Variants in HSPA12A observed in about 807,000 individuals in gnomAD.
HSPA12A encodes heat shock 70 kDa protein 12A.
HSPA12A carries 28 observed loss-of-function variants against 69.2 expected under a neutral mutation model. The observed-to-expected ratio is 0.40, with a 90% CI of 0.30 to 0.55. The LOEUF is 0.55. Ranked by LOEUF, HSPA12A falls within the 20% of genes least tolerant of loss-of-function variation. The pLI is 0.38. For synonymous variants in HSPA12A, 345 were observed against 370.5 expected, an observed-to-expected ratio of 0.93 and a Z score of 0.79; for missense variants, 686 against 900.7, an observed-to-expected ratio of 0.76 and a Z score of 3.05.
At chr10:116,785,133 C>T (rs1347222128) in intron 2 of HSPA12A, among the ~76,000 whole-genome samples, 2 of 152,152 alleles carry the variant, frequency 1.3e-5, no homozygotes, top group Non-Finnish European at 2.9e-5. Context: ...CCTCATTGTG[C>T]CCTGCTCTGA....
chr10:116,818,939 C>G (rs1845358254), intron 2 of HSPA12A, among the ~76,000 whole-genome samples: 1 of 152,076 alleles, frequency 6.6e-6, no homozygotes, highest in Admixed American at 6.5e-5. Flanking sequence ...AGGCTTGTAC[C>G]TTGACCTTCT....
chr10:116,756,347 G>C (rs1291689331), intron 2 of HSPA12A, among the ~76,000 whole-genome samples: 1 of 152,242 alleles, frequency 6.6e-6, no homozygotes, highest in Non-Finnish European at 1.5e-5. Flanking sequence ...AAACTGGCTG[G>C]TGTGCTTGTG....
At chr10:116,726,749 G>A (rs7086870) in intron 1 of HSPA12A, among the ~76,000 whole-genome samples, 53,956 of 152,008 alleles carry the variant, frequency 0.35, 11,187 homozygotes, top group African/African-American at 0.57. Context: ...GTGTGCTGTC[G>A]GGCTCACTGT....
intron 2 of HSPA12A, among the ~76,000 whole-genome samples, chr10:116,790,101 T>C (rs1844670134): frequency 1.5e-5 from 2 of 133,432 alleles, no homozygotes; most frequent in Admixed American, 7.6e-5. Context: ...TCTTTTTTTT[T>C]TTTTTTTTTT....
intron 2 of HSPA12A, among the ~76,000 whole-genome samples, chr10:116,778,934 AAAC>A (rs1228053524): frequency 7.9e-5 from 12 of 152,258 alleles, no homozygotes; most frequent in Middle Eastern, 3.4e-3. Flanking sequence ...CCCTGTCTCA[AAAC>A]AACAACAACA....
chr10:116,786,299 G>A (rs968188035), intron 2 of HSPA12A, among the ~76,000 whole-genome samples: 22 of 152,284 alleles, frequency 1.4e-4, no homozygotes, highest in African/African-American at 4.3e-4. Context: ...TGGTAATTTG[G>A]TGGGGAAACA....
At chr10:116,698,960 C>T (rs1849999264) in intron 4 of HSPA12A, among the ~76,000 whole-genome samples, 1 of 152,154 alleles carries the variant, frequency 6.6e-6, no homozygotes, top group African/African-American at 2.4e-5. Flanking sequence ...CTCCAGGCCC[C>T]ACCTTCACTG....
chr10:116,813,831 C>T (rs1324862336), intron 2 of HSPA12A, among the ~76,000 whole-genome samples: 1 of 152,138 alleles, frequency 6.6e-6, no homozygotes, highest in Non-Finnish European at 1.5e-5. Flanking sequence ...CTGCAGTGAG[C>T]TGTGATCCCA....
chr10:116,828,864 A>ACATTC (rs1406730940), intron 2 of HSPA12A: 1 of 152,254 alleles, frequency 6.6e-6, no homozygotes, highest in Non-Finnish European at 1.5e-5. Flanking sequence ...AATTTCAACC[A>ACATTC]CATTCCATTC....
intron 5 of HSPA12A, among the ~76,000 whole-genome samples, chr10:116,693,168 C>A (rs1554880365): frequency 6.6e-6 from 1 of 152,168 alleles, no homozygotes; most frequent in Non-Finnish European, 1.5e-5. Flanking sequence ...TCATCATTGT[C>A]ATCTACCTTA....
intron 2 of HSPA12A, among the ~76,000 whole-genome samples, chr10:116,776,277 G>A (rs1844336249): frequency 6.6e-6 from 1 of 152,166 alleles, no homozygotes; most frequent in Admixed American, 6.5e-5. Context: ...TCTGCCTCGG[G>A]ATTTCGCTCA....
chr10:116,815,573 T>C (rs947821008), intron 2 of HSPA12A, among the ~76,000 whole-genome samples: 5 of 151,940 alleles, frequency 3.3e-5, no homozygotes, highest in African/African-American at 1.2e-4. Flanking sequence ...AGACCCTGTC[T>C]CAAAAAAATA....
chr10:116,826,027 C>CTGTGTGGA (rs1845498361), intron 2 of HSPA12A, among the ~76,000 whole-genome samples: 1 of 152,172 alleles, frequency 6.6e-6, no homozygotes, highest in Non-Finnish European at 1.5e-5. Context: ...AGGGCTGTCA[C>CTGTGTGGA]ATGGAAAGGG....
chr10:116,707,330 G>C (rs1185607916), intron 1 of HSPA12A, 45 bp from the exon 2 acceptor site: 1 of 1,445,026 alleles, frequency 6.9e-7, no homozygotes, highest in Non-Finnish European at 9.6e-7. Context: ...GGCATGGACT[G>C]ACCCAGGGGG....
At chr10:116,831,353 A>G (rs1228244675) in intron 2 of HSPA12A, 2 of 152,232 alleles carry the variant, frequency 1.3e-5, no homozygotes, top group Non-Finnish European at 2.9e-5. Context: ...TGTGTTTGGC[A>G]GGGGAACAAA....
intron 2 of HSPA12A, among the ~76,000 whole-genome samples, chr10:116,796,145 C>CAAAAAAAAAA (rs10522145): frequency 7.1e-4 from 78 of 110,508 alleles, no homozygotes; most frequent in Non-Finnish European, 9.5e-4. Flanking sequence ...AAGACTCCAT[C>CAAAAAAAAAA]AAAAAAAAAA....
At chr10:116,685,158 C>G (rs550762706) in intron 6 of HSPA12A, among the ~76,000 whole-genome samples, 2 of 152,112 alleles carry the variant, frequency 1.3e-5, no homozygotes, top group Non-Finnish European at 2.9e-5. Flanking sequence ...GGAGGAAGGC[C>G]TCAAGTTCTG....
intron 1 of HSPA12A, among the ~76,000 whole-genome samples, chr10:116,737,745 G>A (rs898379513): frequency 3.9e-5 from 6 of 152,186 alleles, no homozygotes; most frequent in African/African-American, 4.8e-5. Flanking sequence ...GGACATCTGC[G>A]GCTGCCAGGT....
chr10:116,678,542 G>C (rs1196120869), intron 10 of HSPA12A, among the ~76,000 whole-genome samples: 1 of 125,476 alleles, frequency 8.0e-6, no homozygotes, highest in Non-Finnish European at 1.6e-5. Flanking sequence ...GGGCGTATCA[G>C]ATAGCTGCTA....
Sources: allele counts gnomAD v4.1 joint callset (sites outside exome capture counted in the v4.1 genomes callset), GRCh38; gene constraint gnomAD v4.1.1; transcripts MANE v1.5; gene names NCBI Gene and HGNC (gene_info 2026-07-23, HGNC 2026-07-21).